ENOX1: variants seen among roughly 807,000 people sequenced by gnomAD.
The protein encoded by ENOX1 is candidate growth-related and time keeping constitutive hydroquinone (NADH) oxidase.
Under a neutral mutation model 82.5 loss-of-function variants are expected in ENOX1, and 42 were observed. The ratio of observed to expected loss-of-function variants is 0.51; its 90% CI spans 0.40 to 0.66. The LOEUF is 0.66. ENOX1 is among the 30% of genes least tolerant of loss of function. The pLI, the probability that ENOX1 is intolerant of heterozygous loss-of-function variation, is 0.00. For synonymous variants in ENOX1, 271 were observed against 282.2 expected, an observed-to-expected ratio of 0.96 and a Z score of 0.40; for missense variants, 608 against 811.6, an observed-to-expected ratio of 0.75 and a Z score of 3.05.
chr13:43,616,181 T>G (rs1448714339), intron 2 of ENOX1, among the ~76,000 whole-genome samples: 107 of 5,102 alleles, frequency 0.021, 26 homozygotes, highest in Non-Finnish European at 0.029. Flanking sequence ...TATCTATCTA[T>G]CTATCTATAT....
At chr13:43,406,217 A>G (rs1370949711) in intron 5 of ENOX1, among the ~76,000 whole-genome samples, 1 of 152,222 alleles carries the variant, frequency 6.6e-6, no homozygotes, top group Non-Finnish European at 1.5e-5. Context: ...TGGAAACACC[A>G]GTGAATGGGA....
intron 2 of ENOX1, among the ~76,000 whole-genome samples, chr13:43,586,149 G>A (rs764863175): frequency 9.2e-5 from 14 of 152,188 alleles, no homozygotes; most frequent in Middle Eastern, 3.4e-3. Flanking sequence ...TTCTCCCTAC[G>A]TCTGCTCAGG....
At chr13:43,327,582 G>T (rs765972613) in intron 9 of ENOX1, among the ~76,000 whole-genome samples, 3 of 152,104 alleles carry the variant, frequency 2.0e-5, no homozygotes, top group Non-Finnish European at 4.4e-5. Context: ...TAAATTTTTA[G>T]TTAAGAAGGC....
intron 3 of ENOX1, among the ~76,000 whole-genome samples, chr13:43,462,408 T>C (rs1337801817): frequency 1.3e-5 from 2 of 152,214 alleles, no homozygotes; most frequent in Admixed American, 6.5e-5. Context: ...AGGAAGTCAG[T>C]TGGCAAAATT....
At chr13:43,418,755 C>A (rs1317383933) in intron 3 of ENOX1, among the ~76,000 whole-genome samples, 1 of 152,204 alleles carries the variant, frequency 6.6e-6, no homozygotes, top group Non-Finnish European at 1.5e-5. Context: ...TTGGCCTTAA[C>A]AGATATCTAA....
intron 3 of ENOX1, among the ~76,000 whole-genome samples, chr13:43,424,159 C>T (rs1270364214): frequency 6.6e-6 from 1 of 152,160 alleles, no homozygotes; most frequent in African/African-American, 2.4e-5. Context: ...GGTCACATCC[C>T]GGCCTCTTCA....
chr13:43,246,785 G>T (rs1213541016), intron 14 of ENOX1, among the ~76,000 whole-genome samples: 1 of 152,096 alleles, frequency 6.6e-6, no homozygotes, highest in East Asian at 1.9e-4. Flanking sequence ...GAGGCCCCAG[G>T]TGCTTCTCCA....
intron 2 of ENOX1, among the ~76,000 whole-genome samples, chr13:43,560,091 GC>G (rs536219499): frequency 4.0e-4 from 61 of 152,220 alleles, no homozygotes; most frequent in African/African-American, 1.4e-3. Flanking sequence ...GCTGGTACAG[GC>G]CTAAAATATG....
At chr13:43,555,683 A>C (rs2079403091) in intron 2 of ENOX1, among the ~76,000 whole-genome samples, 1 of 152,206 alleles carries the variant, frequency 6.6e-6, no homozygotes, top group African/African-American at 2.4e-5. Flanking sequence ...TGGAAAATAA[A>C]ATTCCATTTA....
At chr13:43,535,640 G>A (rs561105602) in intron 2 of ENOX1, among the ~76,000 whole-genome samples, 8 of 152,244 alleles carry the variant, frequency 5.3e-5, no homozygotes, top group Admixed American at 2.6e-4. Flanking sequence ...TTCAGCCCAT[G>A]AGCAGCACAC....
At chr13:43,393,185 T>C (rs1379724296) in intron 5 of ENOX1, among the ~76,000 whole-genome samples, 1 of 152,246 alleles carries the variant, frequency 6.6e-6, no homozygotes, top group Non-Finnish European at 1.5e-5. Flanking sequence ...AACACAATAG[T>C]ACTTTGCTCC....
chr13:43,315,134 A>G (rs1202798060), intron 11 of ENOX1, among the ~76,000 whole-genome samples: 1 of 152,268 alleles, frequency 6.6e-6, no homozygotes, highest in Non-Finnish European at 1.5e-5. Flanking sequence ...ATTAGAAGCC[A>G]AAACATTCTT....
intron 1 of ENOX1, among the ~76,000 whole-genome samples, chr13:43,727,408 C>T (rs746553366): frequency 3.3e-5 from 5 of 152,138 alleles, no homozygotes; most frequent in Non-Finnish European, 7.3e-5. Context: ...TAAAAATGAA[C>T]GGAATCCATG....
At chr13:43,384,420 C>A (rs1215178309) in intron 5 of ENOX1, among the ~76,000 whole-genome samples, 1 of 152,140 alleles carries the variant, frequency 6.6e-6, no homozygotes, top group East Asian at 1.9e-4. Flanking sequence ...TTACTGAGTA[C>A]CTTCTACACA....
At chr13:43,436,562 T>C (rs559614774) in intron 3 of ENOX1, among the ~76,000 whole-genome samples, 2 of 152,296 alleles carry the variant, frequency 1.3e-5, no homozygotes, top group South Asian at 4.1e-4. Flanking sequence ...CAGGAGTCTG[T>C]TCACAACCTT....
intron 1 of ENOX1, among the ~76,000 whole-genome samples, chr13:43,673,196 T>C (rs1211109978): frequency 1.3e-5 from 2 of 150,014 alleles, no homozygotes; most frequent in African/African-American, 4.9e-5. Flanking sequence ...TATATATACA[T>C]GTTCGATTCT....
At chr13:43,450,599 G>C (rs1454729151) in intron 3 of ENOX1, among the ~76,000 whole-genome samples, 3 of 152,120 alleles carry the variant, frequency 2.0e-5, no homozygotes, top group African/African-American at 7.2e-5. Context: ...AGCAGCTTTA[G>C]GATAGCTAAT....
chr13:43,688,596 CA>C (rs559009594), intron 1 of ENOX1, among the ~76,000 whole-genome samples: 1 of 152,048 alleles, frequency 6.6e-6, no homozygotes. Flanking sequence ...AACCTATTTA[CA>C]AAAAAACAGG....
At chr13:43,479,769 TCAGCTCTAA>T (rs1298896468) in intron 3 of ENOX1, among the ~76,000 whole-genome samples, 1 of 152,200 alleles carries the variant, frequency 6.6e-6, no homozygotes, top group Non-Finnish European at 1.5e-5. Flanking sequence ...TTGGGCACTG[TCAGCTCTAA>T]GTGAAGTTTC....
Sources: gnomAD v4.1 joint callset for allele counts (sites outside exome capture counted in the v4.1 genomes callset) on GRCh38, gnomAD v4.1.1 for gene constraint, MANE v1.5 for transcripts, NCBI Gene and HGNC (gene_info 2026-07-23, HGNC 2026-07-21) for gene names.